Variants in RAPGEF4 observed in about 807,000 individuals in gnomAD.
RAPGEF4 encodes the protein Rap guanine nucleotide exchange factor 4.
Under a neutral mutation model 147.9 loss-of-function variants are expected in RAPGEF4, and 66 were observed. That is an observed-to-expected ratio of 0.45 (90% CI 0.37 to 0.55). RAPGEF4 has a LOEUF of 0.55. Among genes scored for constraint, RAPGEF4 ranks in the 20% least tolerant of loss-of-function variants. The pLI is 0.00. For missense variants in RAPGEF4, 1,071 were observed against 1,257.3 expected, an observed-to-expected ratio of 0.85 and a Z score of 2.24; for synonymous variants, 419 against 442.7, an observed-to-expected ratio of 0.95 and a Z score of 0.67.
chr2:172,985,869 G>C (rs151239116), intron 12 of RAPGEF4, among the ~76,000 whole-genome samples: 4 of 152,274 alleles, frequency 2.6e-5, no homozygotes, highest in African/African-American at 9.6e-5. Context: ...AGAACTAATC[G>C]ATCTCTTGAG....
chr2:172,757,428 A>C (rs373863360), intron 1 of RAPGEF4, among the ~76,000 whole-genome samples: 3 of 152,170 alleles, frequency 2.0e-5, no homozygotes, highest in Non-Finnish European at 4.4e-5. Context: ...AGATGCCCCC[A>C]GTGCTGTTTT....
intron 1 of RAPGEF4, among the ~76,000 whole-genome samples, chr2:172,792,732 A>G (rs1291641812): frequency 6.6e-6 from 1 of 152,046 alleles, no homozygotes. Context: ...ATCTCTCATG[A>G]TGGAATCTGT....
chr2:172,880,078 C>A (rs1158659793), intron 4 of RAPGEF4, among the ~76,000 whole-genome samples: 1 of 152,142 alleles, frequency 6.6e-6, no homozygotes, highest in African/African-American at 2.4e-5. Context: ...GCTGAGACAG[C>A]GACTTACCTG....
At chr2:172,793,177 C>T (rs1685998561) in intron 1 of RAPGEF4, among the ~76,000 whole-genome samples, 1 of 152,118 alleles carries the variant, frequency 6.6e-6, no homozygotes, top group Non-Finnish European at 1.5e-5. Context: ...GGCTGTTTTC[C>T]CGGTGTCTCT....
At chr2:172,865,323 G>T (rs1485785098) in intron 4 of RAPGEF4, among the ~76,000 whole-genome samples, 1 of 152,140 alleles carries the variant, frequency 6.6e-6, no homozygotes, top group Non-Finnish European at 1.5e-5. Context: ...TACCATGCAA[G>T]ATTTCAGCTT....
intron 1 of RAPGEF4, among the ~76,000 whole-genome samples, chr2:172,763,270 A>G (rs191645848): frequency 6.1e-4 from 93 of 152,308 alleles, no homozygotes; most frequent in African/African-American, 2.1e-3. Flanking sequence ...CATTCAAAAG[A>G]ATTTTTATAA....
At chr2:173,036,500 A>G (rs1684028443) in intron 28 of RAPGEF4, 128 bp from the exon 29 acceptor site, 2 of 747,064 alleles carry the variant, frequency 2.7e-6, no homozygotes, top group Non-Finnish European at 4.4e-6. Flanking sequence ...CATTAAAGGA[A>G]CTATTAACAG....
At chr2:172,860,246 C>A in intron 4 of RAPGEF4, 1 of 985,336 alleles carries the variant, frequency 1.0e-6, no homozygotes. Context: ...TTAAAAAAAA[C>A]TAGAATGTAC....
intron 6 of RAPGEF4, among the ~76,000 whole-genome samples, chr2:172,923,653 A>G (rs1256793743): frequency 6.6e-6 from 1 of 152,230 alleles, no homozygotes; most frequent in Non-Finnish European, 1.5e-5. Context: ...TTCAGTTCCT[A>G]GCTGTGTGGT....
intron 1 of RAPGEF4, among the ~76,000 whole-genome samples, chr2:172,737,041 A>G (rs1013177162): frequency 6.6e-6 from 1 of 152,266 alleles, no homozygotes; most frequent in South Asian, 2.1e-4. Flanking sequence ...ATCAAACTTG[A>G]AAATCTTAAG....
chr2:172,895,287 G>T lies in RAPGEF4; in HGVS notation c.445-22515G>T, dbSNP rs1301947589. Among the ~76,000 whole-genome samples, 3 of 152,144 alleles carry T rather than the reference G, an allele frequency of 2.0e-5. No homozygotes were observed. In the East Asian group the frequency reaches 5.8e-4, roughly 29 times the overall value. On this transcript the variant is annotated intron_variant, in intron 4 of 30. Transcript: ENST00000397081. ...CATGTGGCATCCTACTTGTCCATAG[G>T]ATTTAATTAAAAGTTTGGCTTTTTG... is the stretch of plus-strand genomic sequence containing the variant.
intron 27 of RAPGEF4, among the ~76,000 whole-genome samples, chr2:173,035,315 T>G (rs945706854): frequency 2.0e-5 from 3 of 152,038 alleles, no homozygotes; most frequent in African/African-American, 7.2e-5. Flanking sequence ...AAGACCATTC[T>G]GGCTAACATG....
intron 1 of RAPGEF4, among the ~76,000 whole-genome samples, chr2:172,794,347 C>CAAA (rs59850502): frequency 7.8e-5 from 8 of 101,920 alleles, no homozygotes; most frequent in African/African-American, 1.1e-4. Flanking sequence ...AACTCCATCT[C>CAAA]AAAAAAAAAA....
chr2:172,803,765 G>A lies in RAPGEF4; in HGVS notation c.297+6152G>A, dbSNP rs539431569. ...CCTTATAAAACTGAATGCCTTTAACGGCACCCAAGTCACCTCTTGAATGCT... is the reference window on the plus strand; with the variant it reads ...CCTTATAAAACTGAATGCCTTTAACAGCACCCAAGTCACCTCTTGAATGCT... On this transcript the variant is annotated intron_variant, in intron 3 of 30. Coordinates refer to ENST00000397081, the MANE Select transcript of RAPGEF4 (RefSeq NM_007023.4). Among the ~76,000 whole-genome samples the A allele has an allele frequency of 7.9e-5, 12 of 152,146 alleles. No homozygotes were observed. The South Asian group carries it at 1.0e-3, about 13-fold the overall frequency.
intron 4 of RAPGEF4, chr2:172,821,514 C>G: frequency 1.1e-6 from 1 of 885,904 alleles, no homozygotes; most frequent in Non-Finnish European, 1.4e-6. Flanking sequence ...AAAGCCAAGA[C>G]TTCATGCCAG....
intron 22 of RAPGEF4, among the ~76,000 whole-genome samples, chr2:173,019,503 C>T (rs1695838545): frequency 6.6e-6 from 1 of 152,164 alleles, no homozygotes; most frequent in Admixed American, 6.5e-5. Context: ...GGAATGACCA[C>T]ATATTGTAGT....
intron 1 of RAPGEF4, among the ~76,000 whole-genome samples, chr2:172,737,819 A>G (rs1313389420): frequency 6.7e-6 from 1 of 150,102 alleles, no homozygotes; most frequent in South Asian, 2.1e-4. Flanking sequence ...CAGTTCTGAT[A>G]TTGGACATGT....
intron 4 of RAPGEF4, among the ~76,000 whole-genome samples, chr2:172,893,306 G>C (rs938547008): frequency 6.6e-6 from 1 of 152,200 alleles, no homozygotes; most frequent in Non-Finnish European, 1.5e-5. Context: ...CCCGTCCTGG[G>C]AGAGAACTGC....
chr2:172,862,085 A>C (rs1694112776), intron 4 of RAPGEF4, among the ~76,000 whole-genome samples: 1 of 152,234 alleles, frequency 6.6e-6, no homozygotes, highest in African/African-American at 2.4e-5. Flanking sequence ...AACCAAAGAC[A>C]AAGTGGTAGA....
Sources: allele counts gnomAD v4.1 joint callset (sites outside exome capture counted in the v4.1 genomes callset), GRCh38; gene constraint gnomAD v4.1.1; transcripts MANE v1.5; gene names NCBI Gene and HGNC (gene_info 2026-07-23, HGNC 2026-07-21).